The following ACTR3 variants were observed in gnomAD, a reference collection of about 807,000 sequenced individuals.
ACTR3 encodes the protein actin-related protein 3.
ACTR3 carries 12 observed loss-of-function variants against 56.8 expected under a neutral mutation model. The observed-to-expected ratio is 0.21, with a 90% confidence interval of 0.14 to 0.34. ACTR3 has a LOEUF of 0.34. ACTR3 is among the 10% of genes least tolerant of loss of function. The pLI is 1.00. For synonymous variants in ACTR3, 162 were observed against 167.4 expected, an observed-to-expected ratio of 0.97 and a Z score of 0.25; for missense variants, 282 against 512.5, an observed-to-expected ratio of 0.55 and a Z score of 4.34.
At chr2:113,929,626 C>A (rs1320148263) in intron 4 of ACTR3, among the ~76,000 whole-genome samples, 1 of 152,010 alleles carries the variant, frequency 6.6e-6, no homozygotes, top group African/African-American at 2.4e-5. Context: ...TTGCACACCC[C>A]CCAGTGATGC....
At position 113,897,515 on chromosome 2, in the gene ACTR3, G is replaced by GTATTTTTT. The variant is rs1559454475; in HGVS notation, c.44+7193_44+7194insATTTTTTT. On this transcript the variant is annotated intron_variant, in intron 1 of 11. Coordinates refer to ENST00000263238, the MANE Select transcript of ACTR3 (RefSeq NM_005721.5). ...ATAGCTTGAATTTGTGTGGCCAGAT[G>GTATTTTTT]TTATTTTTTTTTTTTTTTTTTTTTT... is the stretch of plus-strand genomic sequence containing the variant. Among the ~76,000 whole-genome samples the GTATTTTTT allele has an allele frequency of 1.5e-5, 2 of 134,110 alleles. 1 individual carries two copies. The highest frequency in any genetic ancestry group is 5.3e-5 in the African/African-American group (2 of 37,848). The allele number at this position is 134,110 out of a possible 152,430, so 88.0% of individuals were successfully genotyped here.
At chr2:113,956,602 T>A (rs148449207) in intron 11 of ACTR3, among the ~76,000 whole-genome samples, 1 of 152,270 alleles carries the variant, frequency 6.6e-6, no homozygotes, top group African/African-American at 2.4e-5. Flanking sequence ...ATTCTAAGAA[T>A]CCTGTCCCCA....
At chr2:113,914,326 T>C (rs1377350117) in intron 2 of ACTR3, among the ~76,000 whole-genome samples, 2 of 152,082 alleles carry the variant, frequency 1.3e-5, no homozygotes, top group East Asian at 1.9e-4. Context: ...GAAATAACAC[T>C]GTCTGGCCGG....
chr2:113,900,795 T>G lies in ACTR3; in HGVS notation c.44+10472T>G, dbSNP rs1679086018. Among the ~76,000 whole-genome samples the G allele has an allele frequency of 2.0e-5, 3 of 152,196 alleles. No individual in the cohort carries two copies. In the South Asian group the frequency reaches 6.2e-4, roughly 31 times the overall value. ...GAGTTAAGATTTTAAGGTTTAGGCT[T>G]GAAGGGACCAGGAGAATGTTTCTGT... is the stretch of plus-strand genomic sequence containing the variant. On this transcript the variant is annotated intron_variant, in intron 1 of 11. Coordinates refer to ENST00000263238, the MANE Select transcript of ACTR3 (RefSeq NM_005721.5).
intron 1 of ACTR3, among the ~76,000 whole-genome samples, chr2:113,912,485 C>T (rs1176756482): frequency 6.6e-6 from 1 of 152,124 alleles, no homozygotes; most frequent in Non-Finnish European, 1.5e-5. Context: ...TGTGACAAAA[C>T]ATTAAATCTT....
chr2:113,890,057 C>T, upstream of ACTR3: 1 of 568,876 alleles, frequency 1.8e-6, no homozygotes, highest in Non-Finnish European at 3.1e-6. Flanking sequence ...GAGGCCGCGG[C>T]GGGGCAGGGC....
chr2:113,948,500 C>T (rs1374427690), intron 8 of ACTR3, among the ~76,000 whole-genome samples: 1 of 152,136 alleles, frequency 6.6e-6, no homozygotes, highest in Admixed American at 6.5e-5. Flanking sequence ...GGAAGATTGT[C>T]TTTTTTATCC....
intron 7 of ACTR3, among the ~76,000 whole-genome samples, chr2:113,940,922 G>C (rs1679913852): frequency 6.6e-6 from 1 of 151,184 alleles, no homozygotes; most frequent in Non-Finnish European, 1.5e-5. Flanking sequence ...CTGGGCTCAC[G>C]TGATCCTCCC....
intron 1 of ACTR3, among the ~76,000 whole-genome samples, chr2:113,892,830 A>G (rs1346689850): frequency 6.6e-6 from 1 of 152,174 alleles, no homozygotes; most frequent in East Asian, 1.9e-4. Flanking sequence ...AAGGTGGCTG[A>G]AAAAAAGTGG....
chr2:113,961,990 T>A lies in ACTR3; in HGVS notation c.*4535T>A, dbSNP rs746217081. The A allele has an allele frequency of 1.2e-4, 18 of 152,016 alleles. No individual in the cohort carries two copies. The highest frequency in any genetic ancestry group is 1.0e-4 in the Non-Finnish European group (7 of 67,906). 9.4% of individuals were successfully genotyped at this position (152,016 alleles called of 1,614,324 possible). On this transcript the variant is annotated 3_prime_UTR_variant, in exon 12 of 12. Transcript: ENST00000263238. The stretch of plus-strand genomic sequence containing the variant: ...TTATTCATTTCATATTTCCAGTGCC[T>A]GACATATTGCTTGGCATATAGTAGT...
chr2:113,890,090 T>G lies in ACTR3; in HGVS notation c.-190T>G. 6.3e-6 allele frequency: 4 copies of G among 634,352 alleles called. No individual in the cohort carries two copies. The highest frequency in any genetic ancestry group is 3.1e-5 in the East Asian group (1 of 31,884). 39.3% of individuals were successfully genotyped at this position (634,352 alleles called of 1,614,324 possible). A position where few individuals can be genotyped will look rare whatever the true frequency, so the allele number is the denominator to read the frequency against. On this transcript the variant is annotated 5_prime_UTR_variant, in exon 1 of 12. Coordinates refer to ENST00000263238, the MANE Select transcript of ACTR3 (RefSeq NM_005721.5). ...GGCGGGGACTGCCTGCCTGCCTGGG[T>G]TGCGGAAGTGATAGCCGCCGACCGA...
chr2:113,938,078 A>G (rs1034821935), intron 6 of ACTR3, among the ~76,000 whole-genome samples: 11 of 151,972 alleles, frequency 7.2e-5, no homozygotes, highest in Admixed American at 3.9e-4. Flanking sequence ...TCTGTCTTCA[A>G]ATTCACTATT....
At position 113,916,960 on chromosome 2, in the gene ACTR3, C is replaced by T; in HGVS notation, c.177C>T (p.Asp59=). 6.2e-7 allele frequency: 1 copy of T among 1,610,320 alleles called. No homozygotes were observed. The highest frequency in any genetic ancestry group is 8.5e-7 in the Non-Finnish European group (1 of 1,177,676). Residue 59 remains aspartate, a synonymous_variant, in exon 3 of 12, where the codon GAC becomes GAT. Transcript: ENST00000263238. ...TGATGAAAGGTGTTGATGACCTAGA[C>T]TTCTTCATTGGTGATGAAGCAATAG... ...RRVMKGVDDL[D]FFIGDEAIEK... is the part of the protein sequence containing the mutation.
At position 113,946,257 on chromosome 2, in the gene ACTR3, A is replaced by G. The variant is rs78053457; in HGVS notation, c.858+3898A>G. Among the ~76,000 whole-genome samples the G allele has an allele frequency of 4.8e-4, 73 of 152,282 alleles. 1 individual carries two copies. The East Asian group carries it at 0.012, about 26-fold the overall frequency. ...TACACCTAATATACACCAAGAGAGTATAAGCGTTTCTTTTTCTTTCCAGCT... is the reference window on the plus strand; with the variant it reads ...TACACCTAATATACACCAAGAGAGTGTAAGCGTTTCTTTTTCTTTCCAGCT... On this transcript the variant is annotated intron_variant, in intron 8 of 11. Coordinates refer to ENST00000263238, the MANE Select transcript of ACTR3 (RefSeq NM_005721.5).
At chr2:113,919,045 G>A (rs1167425693) in intron 3 of ACTR3, among the ~76,000 whole-genome samples, 5 of 152,122 alleles carry the variant, frequency 3.3e-5, no homozygotes, top group Admixed American at 6.5e-5. Context: ...AACTTTGGTG[G>A]TTATAATCTA....
chr2:113,913,920 G>A (rs35921649), intron 2 of ACTR3, among the ~76,000 whole-genome samples: 11,196 of 152,162 alleles, frequency 0.074, 460 homozygotes, highest in African/African-American at 0.1. Flanking sequence ...AACAGTTCAC[G>A]TTTTTTGTAC....
Position 113,890,094 on chromosome 2 carries a change from G to A in ACTR3, c.-186G>A. The A allele has an allele frequency of 1.5e-6, 1 of 676,988 alleles. No individual in the cohort carries two copies. Among genetic ancestry groups the A allele is most frequent in the Non-Finnish European group, 2.5e-6 (1 of 394,088 alleles). The allele number at this position is 676,988 out of a possible 1,614,324, so 41.9% of individuals were successfully genotyped here. A position where few individuals can be genotyped will look rare whatever the true frequency, so the allele number is the denominator to read the frequency against. On this transcript the variant is annotated 5_prime_UTR_variant, in exon 1 of 12. Coordinates refer to ENST00000263238, the MANE Select transcript of ACTR3 (RefSeq NM_005721.5). The stretch of plus-strand genomic sequence containing the variant: ...GGGACTGCCTGCCTGCCTGGGTTGC[G>A]GAAGTGATAGCCGCCGACCGAGCCT...
At chr2:113,911,012 T>G (rs977540923) in intron 1 of ACTR3, among the ~76,000 whole-genome samples, 4 of 152,226 alleles carry the variant, frequency 2.6e-5, no homozygotes, top group African/African-American at 4.8e-5. Flanking sequence ...TTCAGACTGC[T>G]TTGTATTAAA....
At chr2:113,897,515 GT>G (rs58362906) in intron 1 of ACTR3, among the ~76,000 whole-genome samples, 42,084 of 133,986 alleles carry the variant, frequency 0.31, 10,399 homozygotes, top group African/African-American at 0.68. Flanking sequence ...GTGGCCAGAT[GT>G]TATTTTTTTT....
Sources: allele counts gnomAD v4.1 joint callset (sites outside exome capture counted in the v4.1 genomes callset), GRCh38; gene constraint gnomAD v4.1.1; transcripts MANE v1.5; gene names NCBI Gene and HGNC (gene_info 2026-07-23, HGNC 2026-07-21).